Variants in MRPS17 observed in about 807,000 individuals in gnomAD.
MRPS17 encodes small ribosomal subunit protein uS17m.
A neutral mutation model predicts 11.3 loss-of-function variants in MRPS17; 6 were observed. That is an observed-to-expected ratio of 0.53 (90% CI 0.29 to 1.05). The LOEUF (loss-of-function observed/expected upper bound fraction) is 1.05, where lower values mean the gene tolerates loss of function less well. MRPS17 is among the 50% of genes least tolerant of loss of function. MRPS17 has a pLI of 0.08. For synonymous variants in MRPS17, 56 were observed against 60.4 expected (o/e 0.93, Z 0.34); for missense variants, 139 against 153.6 (o/e 0.90, Z 0.50).
In MRPS17 at chr7:55,955,384, T is replaced by TA. The variant is rs1786712665; in HGVS notation, c.*207dup. 2 of 614,590 alleles carry TA rather than the reference T, an allele frequency of 3.3e-6. No homozygotes were observed. Among genetic ancestry groups the TA allele is most frequent in the East Asian group, 5.9e-5 (2 of 33,962 alleles). 38.1% of individuals were successfully genotyped at this position (614,590 alleles called of 1,614,324 possible). On this transcript the variant is annotated 3_prime_UTR_variant, in exon 3 of 3. Transcript: ENST00000285298. ...CAAATTTTCATCATTTCAGTGAACA[T>TA]ACTTCCACGTTACATTAAGTGTGCC...
intron 2 of MRPS17, among the ~76,000 whole-genome samples, chr7:55,954,431 G>A (rs975563327): frequency 6.6e-6 from 1 of 152,052 alleles, no homozygotes; most frequent in Admixed American, 6.6e-5. Context: ...TTGTTATAAA[G>A]AATAGGTGAT....
Position 55,953,342 on chromosome 7 carries a change from GT to G in MRPS17, c.123+25del, listed in dbSNP as rs762073601. On this transcript the variant is annotated intron_variant, in intron 2 of 2. Transcript: ENST00000285298. ...AGGTGAGAAACATTCTTGTTTCCGG[GT>G]GGCTTTGGTAAATCACCACCATGTC... The G allele has an allele frequency of 1.5e-5, 24 of 1,611,662 alleles. No homozygotes were observed. The African/African-American group carries it at 2.9e-4, about 20-fold the overall frequency.
chr7:55,952,875 C>CA (rs1786664133), intron 1 of MRPS17, among the ~76,000 whole-genome samples: 1 of 149,066 alleles, frequency 6.7e-6, no homozygotes, highest in Admixed American at 6.7e-5. Context: ...ACTAAAAATA[C>CA]AAAAAAATTA....
chr7:55,953,068 G>C, intron 1 of MRPS17, 111 bp from the exon 2 acceptor site: 3 of 1,174,224 alleles, frequency 2.6e-6, no homozygotes, highest in Middle Eastern at 2.0e-4. Context: ...GGGTGGAGGG[G>C]GGAACGAAAA....
Position 55,953,422 on chromosome 7 carries a change from A to G in MRPS17, c.123+104A>G, listed in dbSNP as rs1786678404. 4.7e-6 allele frequency: 7 copies of G among 1,501,450 alleles called. No homozygotes were observed. The East Asian group carries it at 1.1e-4, about 24-fold the overall frequency. 93.0% of individuals were successfully genotyped at this position (1,501,450 alleles called of 1,614,324 possible). On this transcript the variant is annotated intron_variant, in intron 2 of 2. Transcript: ENST00000285298. ...TCTCAGTAAAGATGTCTTGTCTCTC[A>G]TCTGCTTTGAGCCAGGCATTTTGCT...
rs367770319 is a variant in MRPS17, at chr7:55,955,146, C to G, written c.361C>G (p.Leu121Val). ...GGAAACCACCCAGCTAAGCAAAAAT[C>G]TGGAAGAACTCAATATCTCTTCAGC... ...SSETTQLSKN[L>V]EELNISSAQ The change falls in exon 3 of 3, where the codon CTG (leucine) becomes GTG (valine). Residue 121 changes from leucine to valine, a missense_variant. Leu to Val is a conservative substitution (Grantham distance 32, BLOSUM62 1). Coordinates refer to ENST00000285298, the MANE Select transcript of MRPS17 (RefSeq NM_015969.3). 1.5e-5 allele frequency: 25 copies of G among 1,614,040 alleles called. No individual in the cohort carries two copies. Among genetic ancestry groups the G allele is most frequent in the Non-Finnish European group, 1.6e-5 (19 of 1,180,042 alleles).
chr7:55,954,956 G>A lies in MRPS17; in HGVS notation c.171G>A (p.Gln57=), dbSNP rs377481551. The change falls in exon 3 of 3, where the codon CAG becomes CAA. Residue 57 remains glutamine, a synonymous_variant. Coordinates refer to ENST00000285298, the MANE Select transcript of MRPS17 (RefSeq NM_015969.3). The part of the protein sequence containing the change: ...KTYFAHDALQ[Q]CTVGDIVLLR... ...ACTTTGCTCACGATGCCCTTCAGCA[G>A]TGCACAGTTGGGGATATTGTGCTTC... 2 of 1,614,086 alleles carry A rather than the reference G, an allele frequency of 1.2e-6. No homozygotes were observed. Among genetic ancestry groups the A allele is most frequent in the Non-Finnish European group, 1.7e-6 (2 of 1,180,056 alleles).
At chr7:55,953,810 ACT>A (rs5884433) in intron 2 of MRPS17, among the ~76,000 whole-genome samples, 43,451 of 151,930 alleles carry the variant, frequency 0.29, 6,592 homozygotes, top group African/African-American at 0.37. Context: ...CAAGAGCAAA[ACT>A]CTGCCTACCA....
chr7:55,955,361 A>G lies in MRPS17; in HGVS notation c.*183A>G. The G allele has an allele frequency of 4.2e-6, 3 of 717,788 alleles. No homozygotes were observed. The highest frequency in any genetic ancestry group is 2.0e-5 in the South Asian group (1 of 50,522). 44.5% of individuals were successfully genotyped at this position (717,788 alleles called of 1,614,324 possible). On this transcript the variant is annotated 3_prime_UTR_variant, in exon 3 of 3. Coordinates refer to ENST00000285298, the MANE Select transcript of MRPS17 (RefSeq NM_015969.3). ...CACAAAGGTTTATGGTCGTGTTTCA[A>G]ATTTTCATCATTTCAGTGAACATAC...
rs376437313 is a variant in MRPS17, at chr7:55,953,202, G to A, written c.7G>A (p.Val3Ile). 3 of 1,614,114 alleles carry A rather than the reference G, an allele frequency of 1.9e-6. No individual in the cohort carries two copies. The highest frequency in any genetic ancestry group is 1.1e-5 in the South Asian group (1 of 91,074). The change falls in exon 2 of 3, where the codon GTA becomes ATA. Residue 3 changes from valine to isoleucine, a missense_variant. Val to Ile is a conservative substitution (Grantham distance 29). Transcript: ENST00000285298. ...AGGTGACCAAAGCCACGTAATGTCC[G>A]TAGTTCGCTCATCCGTCCATGCCAG... MS[V>I]VRSSVHARWI...
rs1423195869 is a variant in MRPS17, at chr7:55,954,896, C to T, written c.124-13C>T. ...TGGGAACTACTGATTTGCTTCTCTC[C>T]CTCTCTCAACAGTATTTTAATAAGC... On this transcript the variant is annotated splice_polypyrimidine_tract_variant and intron_variant, in intron 2 of 2. Coordinates refer to ENST00000285298, the MANE Select transcript of MRPS17 (RefSeq NM_015969.3). 2.5e-6 allele frequency: 4 copies of T among 1,607,400 alleles called. No individual in the cohort carries two copies. The highest frequency in any genetic ancestry group is 3.4e-6 in the Non-Finnish European group (4 of 1,175,294).
intron 1 of MRPS17, among the ~76,000 whole-genome samples, chr7:55,952,455 G>A (rs1210554893): frequency 1.3e-5 from 2 of 152,204 alleles, no homozygotes; most frequent in Admixed American, 6.5e-5. Context: ...GATTCAAGCC[G>A]GGCGCGGTGG....
rs1344160019 is a variant in MRPS17, at chr7:55,954,943, A to G, written c.158A>G (p.Asp53Gly). 1 of 1,613,972 alleles carries G rather than the reference A, an allele frequency of 6.2e-7. No homozygotes were observed. Among genetic ancestry groups the G allele is most frequent in the African/African-American group, 1.3e-5 (1 of 74,920 alleles). ...AAGCGGAAAACCTACTTTGCTCACG[A>G]TGCCCTTCAGCAGTGCACAGTTGGG... ...FNKRKTYFAH[D>G]ALQQCTVGDI... Residue 53 changes from aspartate to glycine, a missense_variant, in exon 3 of 3, where the codon GAT becomes GGT. Coordinates refer to ENST00000285298, the MANE Select transcript of MRPS17 (RefSeq NM_015969.3).
At chr7:55,953,805 G>GTTTGCTCTTGTC (rs1259107399) in intron 2 of MRPS17, among the ~76,000 whole-genome samples, 3 of 137,534 alleles carry the variant, frequency 2.2e-5, no homozygotes, top group Non-Finnish European at 3.1e-5. Context: ...CTGGACAAGA[G>GTTTGCTCTTGTC]CAAAACTCTG....
rs1786718831 is a variant in MRPS17, at chr7:55,955,735, C to T, written c.*557C>T. 6.5e-6 allele frequency: 1 copy of T among 153,776 alleles called. No homozygotes were observed. Among genetic ancestry groups the T allele is most frequent in the Non-Finnish European group, 1.4e-5 (1 of 69,556 alleles). The allele number at this position is 153,776 out of a possible 1,614,324, so 9.5% of individuals were successfully genotyped here. A position where few individuals can be genotyped will look rare whatever the true frequency, so the allele number is the denominator to read the frequency against. On this transcript the variant is annotated 3_prime_UTR_variant, in exon 3 of 3. Transcript: ENST00000285298. Reference sequence around the variant, plus strand: ...GTGCTGGGATTACAGGCGTGAGCCACTGTGCTTAGCAAGCTCACTGTTTTA... The same window carrying T: ...GTGCTGGGATTACAGGCGTGAGCCATTGTGCTTAGCAAGCTCACTGTTTTA...
chr7:55,953,992 G>C (rs1350336057), intron 2 of MRPS17, among the ~76,000 whole-genome samples: 1 of 152,188 alleles, frequency 6.6e-6, no homozygotes, highest in Non-Finnish European at 1.5e-5. Context: ...TGCTGCCCTG[G>C]GGGTTGGGGA....
chr7:55,954,944 T>C lies in MRPS17; in HGVS notation c.159T>C (p.Asp53=), dbSNP rs1285806799. ...FNKRKTYFAH[D]ALQQCTVGDI... ...AGCGGAAAACCTACTTTGCTCACGA[T>C]GCCCTTCAGCAGTGCACAGTTGGGG... is the stretch of plus-strand genomic sequence containing the variant. Residue 53 remains aspartate (D), a synonymous_variant, in exon 3 of 3, where the codon GAT becomes GAC. Transcript: ENST00000285298. The C allele has an allele frequency of 1.2e-6, 2 of 1,613,998 alleles. No homozygotes were observed. Among genetic ancestry groups the C allele is most frequent in the Non-Finnish European group, 1.7e-6 (2 of 1,179,972 alleles).
At chr7:55,952,066 G>T (rs1283944694) in intron 1 of MRPS17, 136 bp downstream of exon 1, 2 of 151,696 alleles carry the variant, frequency 1.3e-5, no homozygotes, top group Non-Finnish European at 2.9e-5. Flanking sequence ...TGTCTGGGGC[G>T]AGGGCACGAA....
chr7:55,954,943 A>T lies in MRPS17; in HGVS notation c.158A>T (p.Asp53Val). 1 of 1,614,090 alleles carries T rather than the reference A, an allele frequency of 6.2e-7. No homozygotes were observed. ...FNKRKTYFAHDALQQCTVGDI... is the reference protein window; with the variant it reads ...FNKRKTYFAHVALQQCTVGDI... ...AAGCGGAAAACCTACTTTGCTCACG[A>T]TGCCCTTCAGCAGTGCACAGTTGGG... The change falls in exon 3 of 3, where the codon GAT (aspartate) becomes GTT (valine). Residue 53 changes from aspartate to valine, a missense_variant. Coordinates refer to ENST00000285298, the MANE Select transcript of MRPS17 (RefSeq NM_015969.3).
Sources: gnomAD v4.1 joint callset for allele counts (sites outside exome capture counted in the v4.1 genomes callset) on GRCh38, gnomAD v4.1.1 for gene constraint, MANE v1.5 for transcripts, NCBI Gene and HGNC (gene_info 2026-07-23, HGNC 2026-07-21) for gene names.